NBEA: variants seen among roughly 807,000 people sequenced by gnomAD.
The protein encoded by NBEA is neurobeachin.
Under a neutral mutation model 343.4 loss-of-function variants are expected in NBEA, and 44 were observed. The observed-to-expected ratio is 0.13, with a 90% CI of 0.10 to 0.16. The LOEUF (loss-of-function observed/expected upper bound fraction) is 0.16, where lower values mean the gene tolerates loss of function less well. Among genes scored for constraint, NBEA ranks in the 10% least tolerant of loss-of-function variants. NBEA has a pLI of 1.00. For missense variants in NBEA, 2,555 were observed against 3,631.3 expected, an observed-to-expected ratio of 0.70 and a Z score of 7.62; for synonymous variants, 1,175 against 1,238.7, an observed-to-expected ratio of 0.95 and a Z score of 1.08.
At chr13:35,235,149 A>G (rs2075165108) in intron 34 of NBEA, among the ~76,000 whole-genome samples, 2 of 152,178 alleles carry the variant, frequency 1.3e-5, no homozygotes, top group Admixed American at 1.3e-4. Context: ...TCTAAAAGGT[A>G]CTAGGTTATC....
rs9574340 is a variant in NBEA at position 35,663,111 on chromosome 13, G to A, written c.8363-1974G>A. Among the ~76,000 whole-genome samples, 1,290 of 152,216 alleles carry A rather than the reference G, an allele frequency of 8.5e-3. 38 individuals are homozygous for A. Among genetic ancestry groups the A allele is most frequent in the Admixed American group, 0.057 (877 of 15,292 alleles). ...CACCTCAGACATTCATCACTTCTTT[G>A]CATTAGGAACATTCTAAATCTTCTC... On this transcript the variant is annotated intron_variant, in intron 55 of 58. Coordinates refer to ENST00000379939, the MANE Select transcript of NBEA (RefSeq NM_001385012.1).
chr13:35,234,430 T>C (rs2075128151), intron 34 of NBEA, among the ~76,000 whole-genome samples: 1 of 152,224 alleles, frequency 6.6e-6, no homozygotes, highest in Admixed American at 6.5e-5. Flanking sequence ...CAAAATCATG[T>C]ATTCATTGAT....
At position 35,045,320 on chromosome 13, in the gene NBEA, A is replaced by C. The variant is rs2062809989; in HGVS notation, c.642A>C (p.Val214=). 1 of 1,608,178 alleles carries C rather than the reference A, an allele frequency of 6.2e-7. No individual in the cohort carries two copies. Among genetic ancestry groups the C allele is most frequent in the Admixed American group, 1.7e-5 (1 of 59,160 alleles). ...TGTTTCCCCAGCCAAGACATGCAGT[A>C]AAATTATTATCAGTTCTTAATCAGA... ...GESGIWPRHA[V]KLLSVLNQMP... is the part of the protein sequence containing the mutation. Residue 214 remains valine, a synonymous_variant, in exon 4 of 59, where the codon GTA becomes GTC. Coordinates refer to ENST00000379939, the MANE Select transcript of NBEA (RefSeq NM_001385012.1).
intron 35 of NBEA, among the ~76,000 whole-genome samples, chr13:35,305,531 G>A (rs986153015): frequency 6.6e-6 from 1 of 152,044 alleles, no homozygotes; most frequent in East Asian, 1.9e-4. Context: ...GTGAATATGG[G>A]CAAAGGGACA....
chr13:35,136,833 G>A (rs1284841372), intron 17 of NBEA, among the ~76,000 whole-genome samples: 5 of 152,206 alleles, frequency 3.3e-5, no homozygotes, highest in African/African-American at 1.2e-4. Flanking sequence ...CCAGTCAATT[G>A]AGAGCTGAGT....
chr13:35,570,200 A>AT (rs2080336703), intron 45 of NBEA, among the ~76,000 whole-genome samples: 1 of 151,944 alleles, frequency 6.6e-6, no homozygotes, highest in African/African-American at 2.4e-5. Context: ...AACCTGGCTA[A>AT]TTTTTTTGTA....
At chr13:35,245,467 T>A (rs1478044940) in intron 34 of NBEA, among the ~76,000 whole-genome samples, 1 of 152,156 alleles carries the variant, frequency 6.6e-6, no homozygotes, top group Non-Finnish European at 1.5e-5. Context: ...GCGGTTCTTG[T>A]TTTGCTGTCT....
chr13:35,121,119 T>A (rs1193212681), intron 16 of NBEA, among the ~76,000 whole-genome samples: 1 of 151,504 alleles, frequency 6.6e-6, no homozygotes, highest in African/African-American at 2.4e-5. Context: ...AATTTTTTAA[T>A]TTTTTTTTAG....
intron 36 of NBEA, among the ~76,000 whole-genome samples, chr13:35,324,347 G>A (rs1375527200): frequency 6.6e-6 from 1 of 152,142 alleles, no homozygotes; most frequent in African/African-American, 2.4e-5. Context: ...GGTAAAATAA[G>A]AACACGTAAC....
intron 36 of NBEA, among the ~76,000 whole-genome samples, chr13:35,333,157 T>C (rs1225750413): frequency 6.6e-6 from 1 of 151,924 alleles, no homozygotes; most frequent in Non-Finnish European, 1.5e-5. Context: ...AAAGCCAATA[T>C]GCATGAGAAT....
At position 35,122,695 on chromosome 13, in the gene NBEA, T is replaced by C. The variant is rs547600546; in HGVS notation, c.2244-787T>C. The stretch of plus-strand genomic sequence containing the variant: ...GTAACAAACCTGCACGTTGTACACA[T>C]GTACCCTAGAACTTAAAGTATATAA... On this transcript the variant is annotated intron_variant, in intron 16 of 58. Coordinates refer to ENST00000379939, the MANE Select transcript of NBEA (RefSeq NM_001385012.1). 3.3e-5 allele frequency among the ~76,000 whole-genome samples: 5 copies of C among 152,232 alleles called. No homozygotes were observed. In the East Asian group the frequency reaches 9.7e-4, roughly 29 times the overall value.
intron 30 of NBEA, chr13:35,186,815 A>C (rs1348338141): frequency 6.6e-6 from 1 of 152,188 alleles, no homozygotes; most frequent in Non-Finnish European, 1.5e-5. Flanking sequence ...CAAGTGTAAT[A>C]GTAGTTGTCT....
chr13:34,975,052 T>C (rs1051423801), intron 1 of NBEA, among the ~76,000 whole-genome samples: 1 of 152,166 alleles, frequency 6.6e-6, no homozygotes, highest in Non-Finnish European at 1.5e-5. Context: ...AATTTACATA[T>C]GGGGAAAGGA....
At chr13:35,145,920 T>TA (rs1484718266) in intron 18 of NBEA, among the ~76,000 whole-genome samples, 1 of 152,194 alleles carries the variant, frequency 6.6e-6, no homozygotes, top group Non-Finnish European at 1.5e-5. Context: ...GGCCATGTTT[T>TA]AAAAACTTCT....
At chr13:35,560,360 T>A (rs2079803979) in intron 44 of NBEA, among the ~76,000 whole-genome samples, 1 of 152,256 alleles carries the variant, frequency 6.6e-6, no homozygotes, top group South Asian at 2.1e-4. Flanking sequence ...AATTTTCTTT[T>A]ACATTTCATC....
In NBEA at chr13:35,010,741, A is replaced by ATATAT. The variant is rs1233348410; in HGVS notation, c.295-30192_295-30191insTATAT. ...TGGGTCTCTACAAAAAAAAAAAAAAAATATATATATATATATATATATATA... is the reference window on the plus strand; with the variant it reads ...TGGGTCTCTACAAAAAAAAAAAAAAATATATATATATATATATATATATATATATA... On this transcript the variant is annotated intron_variant, in intron 1 of 58. Coordinates refer to ENST00000379939, the MANE Select transcript of NBEA (RefSeq NM_001385012.1). 2.8e-3 allele frequency among the ~76,000 whole-genome samples: 88 copies of ATATAT among 31,810 alleles called. 2 individuals are homozygous for ATATAT. Among genetic ancestry groups the ATATAT allele is most frequent in the Middle Eastern group, 0.037 (2 of 54 alleles). 20.9% of individuals were successfully genotyped at this position (31,810 alleles called of 152,430 possible). A position where few individuals can be genotyped will look rare whatever the true frequency, so the allele number is the denominator to read the frequency against.
intron 17 of NBEA, among the ~76,000 whole-genome samples, chr13:35,131,472 A>G (rs2067425672): frequency 6.6e-6 from 1 of 152,192 alleles, no homozygotes; most frequent in South Asian, 2.1e-4. Context: ...TGTGTGCAAA[A>G]AATTTTCATA....
intron 41 of NBEA, among the ~76,000 whole-genome samples, chr13:35,483,285 T>A (rs2076186954): frequency 6.6e-6 from 1 of 151,944 alleles, no homozygotes; most frequent in South Asian, 2.1e-4. Context: ...AATGGGTTTC[T>A]CATATAAGTT....
In NBEA at chr13:35,474,815, A is replaced by G. The variant is rs543695312; in HGVS notation, c.6585+2279A>G. The stretch of plus-strand genomic sequence containing the variant: ...TTACGGTGTACTTTTCAAGGGAGAT[A>G]GGAAATCGTGTGGAAAGAAGTCTTC... On this transcript the variant is annotated intron_variant, in intron 41 of 58. Transcript: ENST00000379939. The G allele has an allele frequency of 5.4e-4, 256 of 478,440 alleles. 2 individuals carry two copies. Among genetic ancestry groups the G allele is most frequent in the African/African-American group, 4.3e-3 (221 of 51,370 alleles). The allele number at this position is 478,440 out of a possible 1,614,324, so 29.6% of individuals were successfully genotyped here.
Sources: gnomAD v4.1 joint callset for allele counts (sites outside exome capture counted in the v4.1 genomes callset) on GRCh38, gnomAD v4.1.1 for gene constraint, MANE v1.5 for transcripts, NCBI Gene and HGNC (gene_info 2026-07-23, HGNC 2026-07-21) for gene names.